NOL8: variants seen among roughly 807,000 people sequenced by gnomAD.
NOL8 encodes nucleolar protein 8, also known as nucleolar protein Nop132.
Under a neutral mutation model 116.1 loss-of-function variants are expected in NOL8, and 93 were observed. That is an observed-to-expected ratio of 0.80 (90% CI 0.68 to 0.95). NOL8 has a LOEUF of 0.95. Among genes scored for constraint, NOL8 ranks in the 40% least tolerant of loss-of-function variants. The probability of loss-of-function intolerance (pLI) is 0.00; values close to 1 mark genes in which losing one functional copy is unlikely to be tolerated. For missense variants in NOL8, 1,291 were observed against 1,382.8 expected (o/e 0.93, Z 1.05); for synonymous variants, 419 against 469.0 (o/e 0.89, Z 1.38).
intron 13 of NOL8, chr9:92,300,609 A>G: frequency 1.0e-6 from 1 of 996,796 alleles, no homozygotes; most frequent in Non-Finnish European, 1.2e-6. Context: ...TCTCAAAGTT[A>G]GAAAAACTAT....
chr9:92,324,961 C>G (rs1464466997), intron 1 of NOL8: 2 of 152,202 alleles, frequency 1.3e-5, no homozygotes, highest in African/African-American at 4.8e-5. Flanking sequence ...ACTTGGAATT[C>G]TTAACACTAT....
chr9:92,314,883 T>C lies in NOL8; in HGVS notation c.1742A>G (p.Glu581Gly), dbSNP rs915499957. 19 of 1,613,574 alleles carry C rather than the reference T, an allele frequency of 1.2e-5. No individual in the cohort carries two copies. The highest frequency in any genetic ancestry group is 1.5e-5 in the Non-Finnish European group (18 of 1,179,844). ...CAAGGATTTTTTCATTGACTCCTTT[T>C]CATATAGACAGCCTACTCCCTTGAA... ...QAFKGVGCLY[E>G]KESMKKSLKD... The change falls in exon 7 of 17, where the codon GAA becomes GGA. Residue 581 changes from glutamate (E) to glycine (G), a missense_variant. Physicochemically the swap from Glu to Gly is moderately conservative, Grantham distance 98 (BLOSUM62 -2). Coordinates refer to ENST00000442668, the MANE Select transcript of NOL8 (RefSeq NM_017948.6).
intron 13 of NOL8, chr9:92,300,401 A>G (rs1480636009): frequency 1.0e-5 from 10 of 988,780 alleles, no homozygotes; most frequent in African/African-American, 3.5e-5. Flanking sequence ...CCTCTTGTCT[A>G]TTTATAAATG....
At position 92,301,567 on chromosome 9, in the gene NOL8, A is replaced by G. The variant is rs2134085738; in HGVS notation, c.3159T>C (p.Thr1053=). 1.9e-6 allele frequency: 3 copies of G among 1,597,306 alleles called. No homozygotes were observed. The highest frequency in any genetic ancestry group is 1.1e-5 in the South Asian group (1 of 88,126). ...GFTFSFFDSD[T]KDIKEETYRV... ...GAAAAGTACCTTCCTTTATGTCTTT[A>G]GTGTCTGAATCAAAAAAAGAGAACG... The change falls in exon 13 of 17, where the codon ACT becomes ACC. Residue 1053 remains threonine, a synonymous_variant. Transcript: ENST00000442668.
chr9:92,315,879 G>A lies in NOL8; in HGVS notation c.746C>T (p.Thr249Ile). 6.2e-7 allele frequency: 1 copy of A among 1,613,908 alleles called. No individual in the cohort carries two copies. Among genetic ancestry groups the A allele is most frequent in the Non-Finnish European group, 8.5e-7 (1 of 1,179,884 alleles). The change falls in exon 7 of 17, where the codon ACA (threonine) becomes ATA (isoleucine). Residue 249 changes from threonine to isoleucine, a missense_variant. Physicochemically the swap from Thr to Ile is moderately conservative, Grantham distance 89. Transcript: ENST00000442668. ...TCTTTTTTGTGCAGCCTGTTGCTGT[G>A]TTAAGGGTGGTCTCTCTATTACCCT... ...PRRVIERPPL[T>I]QQQAAQKRTC... is the part of the protein sequence containing the mutation.
intron 13 of NOL8, among the ~76,000 whole-genome samples, chr9:92,300,978 G>A (rs1837690284): frequency 6.6e-6 from 1 of 152,206 alleles, no homozygotes; most frequent in South Asian, 2.1e-4. Context: ...CCCTGGGTGA[G>A]GAACAGGTCA....
chr9:92,300,745 T>C, intron 13 of NOL8: 1 of 1,191,116 alleles, frequency 8.4e-7, no homozygotes, highest in South Asian at 1.6e-5. Flanking sequence ...ACCACGGAGT[T>C]GGTATTATCT....
Position 92,314,316 on chromosome 9 carries a change from T to C in NOL8, c.2309A>G (p.Lys770Arg). Residue 770 changes from lysine to arginine, a missense_variant, in exon 7 of 17, where the codon AAA becomes AGA. Lys to Arg is a conservative substitution (Grantham distance 26). Transcript: ENST00000442668. ...CAGCTTCTTCTGCACTTCTTTTGCT[T>C]TTTGCCTCGCTTCCAAGGCTGCCAA... ...KRLAALEARQ[K>R]AKEVQKKLVH... The C allele has an allele frequency of 6.2e-7, 1 of 1,603,304 alleles. No homozygotes were observed. The highest frequency in any genetic ancestry group is 8.5e-7 in the Non-Finnish European group (1 of 1,172,620).
At position 92,324,197 on chromosome 9, in the gene NOL8, G is replaced by A; in HGVS notation, c.-36C>T. 2 of 1,593,838 alleles carry A rather than the reference G, an allele frequency of 1.3e-6. No homozygotes were observed. Among genetic ancestry groups the A allele is most frequent in the Non-Finnish European group, 8.5e-7 (1 of 1,169,704 alleles). Reference sequence around the variant, plus strand: ...CATATACTTGGGTGTGTTTCAGTGGGAAAAGTAATTTTCTGTATACAGAGA... The same window carrying A: ...CATATACTTGGGTGTGTTTCAGTGGAAAAAGTAATTTTCTGTATACAGAGA... On this transcript the variant is annotated 5_prime_UTR_variant, in exon 2 of 17. Coordinates refer to ENST00000442668, the MANE Select transcript of NOL8 (RefSeq NM_017948.6).
At chr9:92,323,644 T>C (rs898597696) in intron 2 of NOL8, 141 bp from the exon 3 acceptor site, 15 of 685,804 alleles carry the variant, frequency 2.2e-5, no homozygotes, top group African/African-American at 3.6e-5. Flanking sequence ...TTGTTTTTTA[T>C]TGGCTATAAA....
chr9:92,298,517 A>G, intron 15 of NOL8, 181 bp from the exon 16 acceptor site: 2 of 560,708 alleles, frequency 3.6e-6, no homozygotes, highest in South Asian at 4.9e-5. Flanking sequence ...TATTGCTTTT[A>G]CTGTTTATAT....
chr9:92,309,869 T>G (rs750048709), intron 10 of NOL8, among the ~76,000 whole-genome samples: 1 of 152,182 alleles, frequency 6.6e-6, no homozygotes. Flanking sequence ...ACCCAGAACC[T>G]GCTGATCCAC....
At chr9:92,300,533 A>C in intron 13 of NOL8, 3 of 990,486 alleles carry the variant, frequency 3.0e-6, no homozygotes, top group Non-Finnish European at 3.6e-6. Context: ...CCAAGTACTT[A>C]AAAAACATCT....
intron 12 of NOL8, among the ~76,000 whole-genome samples, chr9:92,304,476 G>A (rs1172526473): frequency 6.6e-6 from 1 of 152,180 alleles, no homozygotes; most frequent in Non-Finnish European, 1.5e-5. Flanking sequence ...GATCTGATCT[G>A]AATGATGACA....
chr9:92,311,237 G>A lies in NOL8; in HGVS notation c.2381C>T (p.Pro794Leu). Residue 794 changes from proline (P) to leucine (L), a missense_variant, in exon 8 of 17, where the codon CCA (proline) becomes CTA (leucine). Transcript: ENST00000442668. ...GTCAGAACCGAAGATGATGTGCGTT[G>A]GCTTATCCTCTGGATGACCATCCTA... The part of the protein sequence containing the change: ...ANLDGHPEDK[P>L]THIIFGSDSE... 6.2e-7 allele frequency: 1 copy of A among 1,613,568 alleles called. No homozygotes were observed. Among genetic ancestry groups the A allele is most frequent in the Non-Finnish European group, 8.5e-7 (1 of 1,179,656 alleles).
At chr9:92,298,378 A>T (rs1170574834) in intron 15 of NOL8, 42 bp from the exon 16 acceptor site, 1 of 1,269,906 alleles carries the variant, frequency 7.9e-7, no homozygotes, top group Non-Finnish European at 1.1e-6. Flanking sequence ...GCAAACTACT[A>T]CTAAAATTGG....
At position 92,298,850 on chromosome 9, in the gene NOL8, T is replaced by A. The variant is rs1342672608; in HGVS notation, c.3373+34A>T. On this transcript the variant is annotated intron_variant, in intron 15 of 16. Transcript: ENST00000442668. ...ACTGTAGCTGTATTATTACCTGTTC[T>A]ATGTATGTAATTTGATGAAAAAAAT... 6 of 1,262,332 alleles carry A rather than the reference T, an allele frequency of 4.8e-6. No homozygotes were observed. The Admixed American group carries it at 1.4e-4, about 30-fold the overall frequency. The allele number at this position is 1,262,332 out of a possible 1,614,324, so 78.2% of individuals were successfully genotyped here. A position where few individuals can be genotyped will look rare whatever the true frequency, so the allele number is the denominator to read the frequency against.
rs532371200 is a variant in NOL8, at chr9:92,318,522, C to T, written c.486+96G>A. Reference sequence around the variant, plus strand: ...AAACTGGGAACACGCAAACAAACACCTAAAGATTCACTGATAAGAGACAGT... The same window carrying T: ...AAACTGGGAACACGCAAACAAACACTTAAAGATTCACTGATAAGAGACAGT... On this transcript the variant is annotated intron_variant, in intron 6 of 16. Coordinates refer to ENST00000442668, the MANE Select transcript of NOL8 (RefSeq NM_017948.6). The T allele has an allele frequency of 1.1e-5, 10 of 882,700 alleles. No homozygotes were observed. The East Asian group carries it at 2.5e-4, about 22-fold the overall frequency. 54.7% of individuals were successfully genotyped at this position (882,700 alleles called of 1,614,324 possible).
intron 11 of NOL8, 138 bp downstream of exon 11, chr9:92,306,748 A>G: frequency 1.5e-6 from 1 of 665,864 alleles, no homozygotes; most frequent in South Asian, 2.7e-5. Flanking sequence ...GTCAAAGGCA[A>G]GTATATTTTT....
Sources: gnomAD v4.1 joint callset for allele counts (sites outside exome capture counted in the v4.1 genomes callset) on GRCh38, gnomAD v4.1.1 for gene constraint, MANE v1.5 for transcripts, NCBI Gene and HGNC (gene_info 2026-07-23, HGNC 2026-07-21) for gene names.